PRKG1: variants seen among roughly 807,000 people sequenced by gnomAD.
PRKG1 encodes protein kinase cGMP-dependent 1.
Under a neutral mutation model 88.1 loss-of-function variants are expected in PRKG1, and 35 were observed. The observed-to-expected ratio is 0.40, with a 90% CI of 0.30 to 0.53. The LOEUF is 0.53. PRKG1 is among the 20% of genes least tolerant of loss of function. PRKG1 has a pLI of 0.59. For synonymous variants in PRKG1, 303 were observed against 292.5 expected (o/e 1.04, Z -0.37); for missense variants, 540 against 839.8 (o/e 0.64, Z 4.41).
chr10:51,426,490 A>G (rs1159483772), intron 2 of PRKG1, among the ~76,000 whole-genome samples: 1 of 152,198 alleles, frequency 6.6e-6, no homozygotes, highest in Non-Finnish European at 1.5e-5. Context: ...AGAGCATTAT[A>G]TACTATGGTG....
intron 2 of PRKG1, among the ~76,000 whole-genome samples, chr10:51,362,191 G>T (rs548720747): frequency 6.6e-6 from 1 of 151,860 alleles, no homozygotes; most frequent in African/African-American, 2.4e-5. Flanking sequence ...CTGGAGTACA[G>T]TGGCATGATC....
intron 9 of PRKG1, among the ~76,000 whole-genome samples, chr10:52,164,287 G>T (rs1164715720): frequency 6.6e-6 from 1 of 151,978 alleles, no homozygotes; most frequent in Non-Finnish European, 1.5e-5. Context: ...GGAGGTGGAG[G>T]TTGCCGTGAG....
chr10:52,171,782 CAA>C lies in PRKG1; in HGVS notation c.1076+9822_1076+9823del, dbSNP rs1195296203. 3.3e-3 allele frequency among the ~76,000 whole-genome samples: 373 copies of C among 114,460 alleles called. 4 individuals are homozygous for C. The highest frequency in any genetic ancestry group is 0.015 in the African/African-American group (350 of 23,510). The allele number at this position is 114,460 out of a possible 152,430, so 75.1% of individuals were successfully genotyped here. On this transcript the variant is annotated intron_variant, in intron 9 of 17. Transcript: ENST00000373980. ...TTGAATAGAAGTATTTTTCTTTTAT[CAA>C]AATTTTTTTTTTTTTTTTTTTTTTT...
intron 2 of PRKG1, among the ~76,000 whole-genome samples, chr10:51,459,814 T>C (rs546233057): frequency 5.3e-5 from 8 of 152,166 alleles, no homozygotes; most frequent in Non-Finnish European, 8.8e-5. Context: ...AGGTGACATC[T>C]GCTGTGGAAA....
At chr10:51,231,942 C>A (rs1472460842) in intron 2 of PRKG1, among the ~76,000 whole-genome samples, 5 of 152,142 alleles carry the variant, frequency 3.3e-5, no homozygotes, top group Admixed American at 1.3e-4. Flanking sequence ...TTGGTGAGGT[C>A]ATTGAATACC....
intron 1 of PRKG1, among the ~76,000 whole-genome samples, chr10:51,085,670 A>G (rs879305966): frequency 6.0e-4 from 91 of 152,016 alleles, no homozygotes; most frequent in Non-Finnish European, 9.9e-4. Flanking sequence ...GATTTTACTT[A>G]ATGTAACTTT....
intron 2 of PRKG1, among the ~76,000 whole-genome samples, chr10:51,431,390 G>T (rs988061813): frequency 6.6e-6 from 1 of 152,202 alleles, no homozygotes; most frequent in Non-Finnish European, 1.5e-5. Context: ...AGTTTCCACG[G>T]GAAGGACAAG....
chr10:51,092,705 G>A (rs183050161), intron 1 of PRKG1, among the ~76,000 whole-genome samples: 29 of 151,024 alleles, frequency 1.9e-4, no homozygotes, highest in African/African-American at 5.9e-4. Flanking sequence ...TACCAGAAAT[G>A]AAGTTTCAGT....
At chr10:51,365,210 C>T (rs2132595247) in intron 2 of PRKG1, among the ~76,000 whole-genome samples, 1 of 151,978 alleles carries the variant, frequency 6.6e-6, no homozygotes, top group Non-Finnish European at 1.5e-5. Flanking sequence ...CCTGTTGTCA[C>T]TATCATCATC....
At chr10:51,489,497 C>T (rs1224570014) in intron 3 of PRKG1, among the ~76,000 whole-genome samples, 1 of 152,154 alleles carries the variant, frequency 6.6e-6, no homozygotes, top group Admixed American at 6.6e-5. Context: ...CAGACCCCAC[C>T]CAAGACTCCT....
chr10:51,743,674 A>T (rs12770895), intron 3 of PRKG1, among the ~76,000 whole-genome samples: 3 of 137,946 alleles, frequency 2.2e-5, no homozygotes, highest in East Asian at 2.0e-4. Context: ...ATATATATTT[A>T]TATATATATA....
At chr10:51,040,595 G>C (rs543862120) in intron 1 of PRKG1, among the ~76,000 whole-genome samples, 1 of 152,106 alleles carries the variant, frequency 6.6e-6, no homozygotes, top group East Asian at 1.9e-4. Context: ...TAGGACTACA[G>C]TTGTGAGCCA....
At chr10:51,423,814 T>C (rs2132711898) in intron 2 of PRKG1, among the ~76,000 whole-genome samples, 1 of 152,286 alleles carries the variant, frequency 6.6e-6, no homozygotes, top group Admixed American at 6.5e-5. Flanking sequence ...GATTATTTTT[T>C]ATTTAAAATA....
At position 52,272,455 on chromosome 10, in the gene PRKG1, A is replaced by G. The variant is rs1468973561; in HGVS notation, c.1377A>G (p.Gly459=). The G allele has an allele frequency of 1.2e-6, 2 of 1,610,440 alleles. No individual in the cohort carries two copies. The highest frequency in any genetic ancestry group is 1.7e-6 in the Non-Finnish European group (2 of 1,177,356). The change falls in exon 12 of 18, where the codon GGA becomes GGG. Residue 459 remains glycine, a synonymous_variant. Transcript: ENST00000373980. ...LYMLMEACLG[G]ELWTILRDRG... ...TGTTGATGGAAGCTTGTCTAGGTGG[A>G]GAGCTCTGGACCATTCTCAGGGATA...
rs77788239 is a variant in PRKG1 at position 51,264,550 on chromosome 10, G to A, written c.478+111220G>A. Among the ~76,000 whole-genome samples the A allele has an allele frequency of 3.4e-3, 514 of 152,242 alleles. 4 individuals are homozygous for A. The highest frequency in any genetic ancestry group is 0.012 in the African/African-American group (498 of 41,530). On this transcript the variant is annotated intron_variant, in intron 2 of 17. Transcript: ENST00000373980. ...TATCACGGTATTCTGTGGCAAATGG[G>A]CTACACATTAGTTGGTTTGACTGTG...
At chr10:52,032,795 A>G (rs980965007) in intron 5 of PRKG1, among the ~76,000 whole-genome samples, 1 of 152,160 alleles carries the variant, frequency 6.6e-6, no homozygotes, top group African/African-American at 2.4e-5. Context: ...ATCTGTGATC[A>G]CTACACTTGC....
At chr10:51,520,174 C>T (rs1005398033) in intron 3 of PRKG1, among the ~76,000 whole-genome samples, 1 of 151,408 alleles carries the variant, frequency 6.6e-6, no homozygotes, top group Non-Finnish European at 1.5e-5. Flanking sequence ...TAGTGAGACA[C>T]TGTACTGAAT....
intron 4 of PRKG1, among the ~76,000 whole-genome samples, chr10:51,840,517 TTTTATTTATTTA>T (rs66516508): frequency 1.3e-3 from 187 of 139,850 alleles, no homozygotes; most frequent in South Asian, 7.8e-3. Context: ...GAACCCTCTA[TTTTATTTATTTA>T]TTTATTTATT....
At chr10:51,482,731 G>C (rs1481270878) in intron 3 of PRKG1, among the ~76,000 whole-genome samples, 4 of 152,120 alleles carry the variant, frequency 2.6e-5, no homozygotes, top group Non-Finnish European at 4.4e-5. Context: ...TCCAGTCTGG[G>C]TTGAAAATTG....
Sources: allele counts gnomAD v4.1 joint callset (sites outside exome capture counted in the v4.1 genomes callset), GRCh38; gene constraint gnomAD v4.1.1; transcripts MANE v1.5; gene names NCBI Gene and HGNC (gene_info 2026-07-23, HGNC 2026-07-21).